The following RAP1GAP2 variants were observed in gnomAD, a reference collection of about 807,000 sequenced individuals.
RAP1GAP2 encodes the protein rap1 GTPase-activating protein 2.
A neutral mutation model predicts 95.0 loss-of-function variants in RAP1GAP2; 27 were observed. That is an observed-to-expected ratio of 0.28 (90% CI 0.21 to 0.39). The LOEUF is 0.39. Among genes scored for constraint, RAP1GAP2 ranks in the 10% least tolerant of loss-of-function variants. The pLI is 1.00. For missense variants in RAP1GAP2, 771 were observed against 970.0 expected, an observed-to-expected ratio of 0.79 and a Z score of 2.72; for synonymous variants, 373 against 380.9, an observed-to-expected ratio of 0.98 and a Z score of 0.24.
intron 3 of RAP1GAP2, among the ~76,000 whole-genome samples, chr17:2,924,348 G>A (rs1456801751): frequency 6.6e-6 from 1 of 152,152 alleles, no homozygotes; most frequent in African/African-American, 2.4e-5. Context: ...CCCATCCCGG[G>A]AGCGAATAGG....
At position 2,827,509 on chromosome 17, in the gene RAP1GAP2, A is replaced by G. The variant is rs909652283; in HGVS notation, c.80+26959A>G. ...GTGGGTGGTCAGGAAGAGCCTCTCC[A>G]TAGAAGGGACATTTGAGGCCTGGCG... On this transcript the variant is annotated intron_variant, in intron 2 of 24. Transcript: ENST00000254695. The surrounding 1 kb of genome is among the most constrained non-coding windows in gnomAD (Gnocchi z 4.1). Among the ~76,000 whole-genome samples the G allele has an allele frequency of 1.3e-5, 2 of 152,108 alleles. No individual in the cohort carries two copies. Among genetic ancestry groups the G allele is most frequent in the African/African-American group, 4.8e-5 (2 of 41,434 alleles).
chr17:2,998,469 T>G (rs1194587922), intron 14 of RAP1GAP2, 93 bp downstream of exon 14: 67 of 1,423,930 alleles, frequency 4.7e-5, no homozygotes, highest in Admixed American at 1.7e-4. Flanking sequence ...TCCTCAGCAG[T>G]CAGAGATTCT....
intron 23 of RAP1GAP2, among the ~76,000 whole-genome samples, chr17:3,031,987 T>C (rs570401776): frequency 1.3e-5 from 2 of 151,742 alleles, no homozygotes; most frequent in East Asian, 2.0e-4. Flanking sequence ...CCCCAGTCCC[T>C]TCCTGAGCTC....
chr17:2,987,519 G>A lies in RAP1GAP2; in HGVS notation c.813+2453G>A, dbSNP rs201155588. ...TGGGATTACAGGCAGGCACCACCAC[G>A]CCCAGCTAATTTTGTATTTTTAGTA... On this transcript the variant is annotated intron_variant, in intron 11 of 24. Coordinates refer to ENST00000254695, the MANE Select transcript of RAP1GAP2 (RefSeq NM_015085.5). 4.6e-5 allele frequency among the ~76,000 whole-genome samples: 7 copies of A among 151,952 alleles called. No homozygotes were observed. The East Asian group carries it at 1.2e-3, about 25-fold the overall frequency.
intron 3 of RAP1GAP2, among the ~76,000 whole-genome samples, chr17:2,931,056 G>A (rs1424625015): frequency 1.3e-5 from 2 of 151,148 alleles, no homozygotes. Context: ...TGGGAGGCAG[G>A]GGCTGCAGTG....
chr17:2,950,217 C>A (rs2043868862), intron 3 of RAP1GAP2, among the ~76,000 whole-genome samples: 2 of 151,968 alleles, frequency 1.3e-5, no homozygotes, highest in Non-Finnish European at 2.9e-5. Context: ...CCATGCCTGG[C>A]TAAGTTTTGT....
chr17:2,844,942 C>T (rs1045015038), intron 2 of RAP1GAP2, among the ~76,000 whole-genome samples: 6 of 152,078 alleles, frequency 3.9e-5, no homozygotes, highest in Non-Finnish European at 8.8e-5. Context: ...GTTAGTCAGG[C>T]GTGTGAGCTG....
chr17:3,005,199 T>A lies in RAP1GAP2; in HGVS notation c.1201-170T>A. ...TGGCCCCACACCGTCCGGCCCCACT[T>A]CTAGGAACAGGGTCAGGGCCTGTGC... is the stretch of plus-strand genomic sequence containing the variant. On this transcript the variant is annotated intron_variant, in intron 14 of 24. Coordinates refer to ENST00000254695, the MANE Select transcript of RAP1GAP2 (RefSeq NM_015085.5). This position sits in a 1 kb window ranked among gnomAD's most constrained non-coding sequence, Gnocchi z 5.2. 1 of 716,196 alleles carries A rather than the reference T, an allele frequency of 1.4e-6. No homozygotes were observed. The highest frequency in any genetic ancestry group is 2.5e-6 in the Non-Finnish European group (1 of 406,728). 44.4% of individuals were successfully genotyped at this position (716,196 alleles called of 1,614,324 possible).
intron 2 of RAP1GAP2, among the ~76,000 whole-genome samples, chr17:2,814,847 T>G (rs1217686803): frequency 6.6e-6 from 1 of 151,908 alleles, no homozygotes; most frequent in East Asian, 1.9e-4. Context: ...CCTGGGGTGT[T>G]GGGGGGGAGG....
At position 2,841,450 on chromosome 17, in the gene RAP1GAP2, C is replaced by G. The variant is rs542378436; in HGVS notation, c.80+40900C>G. On this transcript the variant is annotated intron_variant, in intron 2 of 24. Transcript: ENST00000254695. ...TCCTGAGTAGCTGGGACTACAGGCG[C>G]CCGCCACCACACGCGGCTAATTTTT... 2.3e-3 allele frequency among the ~76,000 whole-genome samples: 351 copies of G among 151,662 alleles called. 4 individuals are homozygous for G. The highest frequency in any genetic ancestry group is 7.1e-3 in the African/African-American group (296 of 41,440).
intron 1 of RAP1GAP2, among the ~76,000 whole-genome samples, chr17:2,766,975 C>CT (rs201021863): frequency 0.01 from 1,575 of 151,898 alleles, 28 homozygotes; most frequent in African/African-American, 0.035. Context: ...ATCAGGGCAG[C>CT]TGCACAGTTT....
chr17:2,766,208 C>T (rs893323176), intron 1 of RAP1GAP2, among the ~76,000 whole-genome samples: 1 of 152,172 alleles, frequency 6.6e-6, no homozygotes, highest in Non-Finnish European at 1.5e-5. Flanking sequence ...GCCCATTCTA[C>T]CACGGCGCCT....
intron 9 of RAP1GAP2, among the ~76,000 whole-genome samples, chr17:2,980,777 A>G (rs1391432795): frequency 1.3e-5 from 2 of 152,162 alleles, no homozygotes; most frequent in Admixed American, 1.3e-4. Context: ...GATGATCCAG[A>G]TTGAGCACCC....
At chr17:2,929,489 A>G (rs2043073374) in intron 3 of RAP1GAP2, among the ~76,000 whole-genome samples, 1 of 152,160 alleles carries the variant, frequency 6.6e-6, no homozygotes, top group African/African-American at 2.4e-5. Flanking sequence ...GGAGGTGCAC[A>G]CATGGCTGCC....
intron 2 of RAP1GAP2, among the ~76,000 whole-genome samples, chr17:2,881,965 T>C (rs1430438580): frequency 6.6e-6 from 1 of 151,082 alleles, no homozygotes; most frequent in Admixed American, 6.6e-5. Context: ...GGACTACAGG[T>C]GCCTGCCACC....
intron 2 of RAP1GAP2, among the ~76,000 whole-genome samples, chr17:2,845,110 C>T (rs2071531029): frequency 6.6e-6 from 1 of 152,158 alleles, no homozygotes; most frequent in African/African-American, 2.4e-5. Context: ...AGTTCTAGCC[C>T]AGAGGCACCC....
At chr17:2,949,558 A>G (rs774332244) in intron 3 of RAP1GAP2, among the ~76,000 whole-genome samples, 2 of 151,658 alleles carry the variant, frequency 1.3e-5, no homozygotes, top group African/African-American at 4.9e-5. Context: ...TGCCCTGAGC[A>G]TTAACTGAGT....
intron 3 of RAP1GAP2, among the ~76,000 whole-genome samples, chr17:2,946,104 T>C (rs2043689504): frequency 6.6e-6 from 1 of 152,330 alleles, no homozygotes; most frequent in East Asian, 1.9e-4. Flanking sequence ...TACATTGATT[T>C]TCTTGTGTTG....
At chr17:2,798,934 G>A (rs78854405) in intron 1 of RAP1GAP2, among the ~76,000 whole-genome samples, 3 of 152,190 alleles carry the variant, frequency 2.0e-5, no homozygotes, top group Non-Finnish European at 2.9e-5. Flanking sequence ...CGGTTCCAGC[G>A]GTTCCAGCGC....
Sources: gnomAD v4.1 joint callset for allele counts (sites outside exome capture counted in the v4.1 genomes callset) on GRCh38, gnomAD v4.1.1 for gene constraint, Gnocchi (gnomAD v3.1) non-coding constraint, MANE v1.5 for transcripts, NCBI Gene and HGNC (gene_info 2026-07-23, HGNC 2026-07-21) for gene names.